MMP16: variants seen among roughly 807,000 people sequenced by gnomAD.
MMP16 encodes the protein matrix metallopeptidase 16.
Under a neutral mutation model 67.8 loss-of-function variants are expected in MMP16, and 12 were observed. The ratio of observed to expected loss-of-function variants is 0.18; its 90% CI spans 0.11 to 0.29. The LOEUF (loss-of-function observed/expected upper bound fraction) is 0.29. Ranked by LOEUF, MMP16 falls within the 10% of genes least tolerant of loss-of-function variation. The pLI is 1.00. For synonymous variants in MMP16, 249 were observed against 255.9 expected (o/e 0.97, Z 0.26); for missense variants, 475 against 765.7 (o/e 0.62, Z 4.48).
chr8:88,282,095 G>GGC (rs1810750204), intron 1 of MMP16, among the ~76,000 whole-genome samples: 1 of 116,860 alleles, frequency 8.6e-6, no homozygotes, highest in Non-Finnish European at 1.8e-5. Context: ...GGGGGGGGGG[G>GGC]CGACGGGGTC....
At chr8:88,086,234 G>A (rs920546055) in intron 6 of MMP16, among the ~76,000 whole-genome samples, 7 of 151,730 alleles carry the variant, frequency 4.6e-5, no homozygotes, top group Non-Finnish European at 1.0e-4. Context: ...ATGAAGAAAA[G>A]AACAATCACT....
At chr8:88,260,174 T>C (rs1810364526) in intron 1 of MMP16, among the ~76,000 whole-genome samples, 1 of 152,178 alleles carries the variant, frequency 6.6e-6, no homozygotes, top group African/African-American at 2.4e-5. Context: ...ATTTTAAAAA[T>C]ATTTCTATAA....
chr8:88,181,848 G>A (rs1808985802), intron 3 of MMP16, among the ~76,000 whole-genome samples: 1 of 151,978 alleles, frequency 6.6e-6, no homozygotes, highest in South Asian at 2.1e-4. Flanking sequence ...AAAGGAAAGT[G>A]CCCAAAAATT....
chr8:88,306,219 C>A (rs1249290640), intron 1 of MMP16, among the ~76,000 whole-genome samples: 1 of 152,006 alleles, frequency 6.6e-6, no homozygotes, highest in Non-Finnish European at 1.5e-5. Flanking sequence ...CATACACACT[C>A]CCAAGACTGA....
chr8:88,051,266 C>T (rs1808266599), intron 8 of MMP16, among the ~76,000 whole-genome samples: 1 of 152,086 alleles, frequency 6.6e-6, no homozygotes, highest in Admixed American at 6.5e-5. Flanking sequence ...AGTTCTTCCC[C>T]CTGAAAAATA....
At chr8:88,144,453 G>A (rs1242741031) in intron 4 of MMP16, among the ~76,000 whole-genome samples, 2 of 151,612 alleles carry the variant, frequency 1.3e-5, no homozygotes, top group African/African-American at 2.4e-5. Context: ...ATGTATATGT[G>A]TGTGTATGTA....
intron 4 of MMP16, among the ~76,000 whole-genome samples, chr8:88,121,425 A>G (rs1055582904): frequency 1.3e-5 from 2 of 152,038 alleles, no homozygotes; most frequent in African/African-American, 4.8e-5. Context: ...GCTTCACAAT[A>G]GTTTAAAAGG....
chr8:88,122,575 A>G (rs1807857250), intron 4 of MMP16, among the ~76,000 whole-genome samples: 1 of 152,002 alleles, frequency 6.6e-6, no homozygotes, highest in Non-Finnish European at 1.5e-5. Context: ...ATCTAGAAAT[A>G]AAAATCAGAA....
At chr8:88,325,783 G>A (rs886107876) in intron 1 of MMP16, among the ~76,000 whole-genome samples, 2 of 152,028 alleles carry the variant, frequency 1.3e-5, no homozygotes, top group Admixed American at 6.5e-5. Flanking sequence ...ATCTGTGAAG[G>A]TCTTTAACTC....
intron 6 of MMP16, among the ~76,000 whole-genome samples, chr8:88,089,914 C>T (rs1343500508): frequency 6.6e-6 from 1 of 151,906 alleles, no homozygotes; most frequent in East Asian, 1.9e-4. Context: ...TCATGAAACA[C>T]ATTTATATAT....
intron 7 of MMP16, among the ~76,000 whole-genome samples, chr8:88,059,176 A>G (rs1287038968): frequency 6.6e-6 from 1 of 152,122 alleles, no homozygotes; most frequent in Non-Finnish European, 1.5e-5. Flanking sequence ...TGTGGCATTT[A>G]TAAATTTAGG....
chr8:88,135,682 A>C (rs1347955444), intron 4 of MMP16, among the ~76,000 whole-genome samples: 1 of 151,944 alleles, frequency 6.6e-6, no homozygotes, highest in African/African-American at 2.4e-5. Context: ...AGAGAAAATG[A>C]GATAACGGAC....
chr8:88,276,733 G>A (rs1016224563), intron 1 of MMP16, among the ~76,000 whole-genome samples: 12 of 151,964 alleles, frequency 7.9e-5, no homozygotes, highest in Admixed American at 2.0e-4. Context: ...ATTATCTGTC[G>A]TTGAAGAGAA....
chr8:88,207,053 G>T (rs75044110), intron 1 of MMP16, among the ~76,000 whole-genome samples: 2,314 of 151,856 alleles, frequency 0.015, 63 homozygotes, highest in African/African-American at 0.052. Flanking sequence ...CATATATCCT[G>T]GAAATATCAA....
chr8:88,214,484 A>G (rs1350513886), intron 1 of MMP16, among the ~76,000 whole-genome samples: 3 of 152,020 alleles, frequency 2.0e-5, no homozygotes, highest in East Asian at 3.9e-4. Context: ...GAATACCTCA[A>G]CCTTTTAGTT....
chr8:88,041,555 A>T lies in MMP16; in HGVS notation c.1730T>A (p.Leu577His). 1 of 1,614,186 alleles carries T rather than the reference A, an allele frequency of 6.2e-7. No individual in the cohort carries two copies. The highest frequency in any genetic ancestry group is 8.5e-7 in the Non-Finnish European group (1 of 1,180,010). The change falls in exon 10 of 10, where the codon CTC (leucine) becomes CAC (histidine). Residue 577 changes from leucine (L) to histidine (H), a missense_variant. Around this residue, in one of 5 missense-constraint regions of MMP16, gnomAD observed 80 missense variants for 93.4 expected, o/e 0.86. Transcript: ENST00000286614. This position sits in a 1 kb window ranked among gnomAD's most constrained non-coding sequence, Gnocchi z 6.0. ...GAACACAGTGTAAACCAATACAAGG[A>T]GGCATAAGGCCAAGATGCAGGGAAT... The part of the protein sequence containing the change: ...IVIPCILALC[L>H]LVLVYTVFQF...
chr8:88,212,600 AT>A (rs1228485642), intron 1 of MMP16, among the ~76,000 whole-genome samples: 1 of 152,162 alleles, frequency 6.6e-6, no homozygotes, highest in African/African-American at 2.4e-5. Flanking sequence ...CAAACAAAAA[AT>A]GTCCCTCTGC....
chr8:88,072,058 T>C (rs1278623182), intron 7 of MMP16, among the ~76,000 whole-genome samples: 1 of 152,120 alleles, frequency 6.6e-6, no homozygotes, highest in Non-Finnish European at 1.5e-5. Context: ...AGATGGTACG[T>C]GCACAAGTTA....
In MMP16 at chr8:88,223,175, C is replaced by T. The variant is rs140557438; in HGVS notation, c.133-25869G>A. Among the ~76,000 whole-genome samples the T allele has an allele frequency of 4.1e-3, 617 of 151,602 alleles. 15 individuals are homozygous for T. The highest frequency in any genetic ancestry group is 0.027 in the East Asian group (138 of 5,148). ...CTCACACCAGTTAGAATGGTGATCACTAAAAAGTCAGGAAACAACAGGTGC... is the reference window on the plus strand; with the variant it reads ...CTCACACCAGTTAGAATGGTGATCATTAAAAAGTCAGGAAACAACAGGTGC... On this transcript the variant is annotated intron_variant, in intron 1 of 9. Coordinates refer to ENST00000286614, the MANE Select transcript of MMP16 (RefSeq NM_005941.5).
Sources: allele counts gnomAD v4.1 joint callset (sites outside exome capture counted in the v4.1 genomes callset), GRCh38; gene constraint gnomAD v4.1.1; regional missense constraint gnomAD v4.1.1; non-coding constraint Gnocchi (gnomAD v3.1); transcripts MANE v1.5; gene names NCBI Gene and HGNC (gene_info 2026-07-23, HGNC 2026-07-21).